NLRC3: variants seen among roughly 807,000 people sequenced by gnomAD.
The protein encoded by NLRC3 is NLR family CARD domain-containing protein 3.
NLRC3 carries 87 observed loss-of-function variants against 91.6 expected under a neutral mutation model. The observed-to-expected ratio is 0.95, with a 90% CI of 0.80 to 1.14. The LOEUF is 1.14. Among genes scored for constraint, NLRC3 ranks in the 50% most tolerant of loss-of-function variants. NLRC3 has a pLI of 0.00. For synonymous variants in NLRC3, 694 were observed against 625.3 expected, an observed-to-expected ratio of 1.11 and a Z score of -1.64; for missense variants, 1,577 against 1,418.6, an observed-to-expected ratio of 1.11 and a Z score of -1.79.
At chr16:3,546,086 G>T (rs1400198192) in intron 15 of NLRC3, among the ~76,000 whole-genome samples, 2 of 152,084 alleles carry the variant, frequency 1.3e-5, no homozygotes, top group Non-Finnish European at 2.9e-5. Context: ...CGACCCAACA[G>T]GACTTGACAA....
chr16:3,575,973 C>T (rs2040274944), intron 1 of NLRC3, among the ~76,000 whole-genome samples: 1 of 152,142 alleles, frequency 6.6e-6, no homozygotes, highest in African/African-American at 2.4e-5. Flanking sequence ...CACTTGAGCT[C>T]AAAAGCCTTC....
intron 1 of NLRC3, among the ~76,000 whole-genome samples, chr16:3,572,741 G>A (rs193020774): frequency 6.8e-4 from 103 of 152,204 alleles, no homozygotes; most frequent in Admixed American, 1.9e-3. Flanking sequence ...GGCCAGGCGC[G>A]GTGACTCACA....
Position 3,542,757 on chromosome 16 carries a change from A to G in NLRC3, c.2958T>C (p.Ile986=). Residue 986 remains isoleucine, a synonymous_variant, in exon 18 of 20, where the codon ATT becomes ATC. Coordinates refer to ENST00000359128, the MANE Select transcript of NLRC3 (RefSeq NM_178844.4). ...LEILDLRGNA[I]GVAGAKALAN... is the part of the protein sequence containing the mutation. The stretch of plus-strand genomic sequence containing the variant: ...CCAGGGCTTTGGCTCCAGCCACCCC[A>G]ATGGCATTTCCTCTTAAGCTGTTGG... 2.5e-6 allele frequency: 4 copies of G among 1,608,028 alleles called. No individual in the cohort carries two copies. Among genetic ancestry groups the G allele is most frequent in the Non-Finnish European group, 3.4e-6 (4 of 1,177,150 alleles).
Position 3,563,225 on chromosome 16 carries a change from A to G in NLRC3, c.1712T>C (p.Leu571Pro), listed in dbSNP as rs777743389. 6.2e-7 allele frequency: 1 copy of G among 1,603,714 alleles called. No homozygotes were observed. Among genetic ancestry groups the G allele is most frequent in the Non-Finnish European group, 8.5e-7 (1 of 1,177,368 alleles). The part of the protein sequence containing the change: ...CARAINVLHC[L>P]HELQHTELAR... ...CAGCTCGGTGTGCTGCAGCTCATGCAGGCAGTGCAACACGTTGATGGCCCG... is the reference window on the plus strand; with the variant it reads ...CAGCTCGGTGTGCTGCAGCTCATGCGGGCAGTGCAACACGTTGATGGCCCG... The change falls in exon 5 of 20, where the codon CTG becomes CCG. Residue 571 changes from leucine to proline, a missense_variant. Transcript: ENST00000359128.
At chr16:3,548,513 G>C (rs2038816802) in intron 14 of NLRC3, among the ~76,000 whole-genome samples, 157 bp downstream of exon 14, 1 of 152,220 alleles carries the variant, frequency 6.6e-6, no homozygotes, top group South Asian at 2.1e-4. Flanking sequence ...GCACAGGATG[G>C]GGCACAGTCT....
chr16:3,561,886 G>A (rs2039631555), intron 5 of NLRC3, 98 bp from the exon 6 acceptor site: 15 of 804,858 alleles, frequency 1.9e-5, no homozygotes, highest in East Asian at 2.5e-5. Flanking sequence ...CCCATGCAGC[G>A]CTATCACCGC....
At position 3,564,871 on chromosome 16, in the gene NLRC3, GC is replaced by G; in HGVS notation, c.165del (p.Cys57AlafsTer15). ...AAGCCGGTCCTACCATTGCTGCAGG[GC>G]CCCAGCGGGGCATCCGGTGTCCTAT... ...ALDRTPDAPL[G>X]PCSNDSRIQR... is the part of the protein sequence containing the mutation. On this transcript the variant is annotated frameshift_variant, in exon 4 of 20. Transcript: ENST00000359128. LOFTEE classifies it high-confidence loss of function. This position sits in a 1 kb window ranked among gnomAD's most constrained non-coding sequence, Gnocchi z 5.9. 6.2e-7 allele frequency: 1 copy of G among 1,606,372 alleles called. No individual in the cohort carries two copies.
intron 9 of NLRC3, 50 bp downstream of exon 9, chr16:3,554,192 G>T: frequency 7.2e-7 from 1 of 1,385,354 alleles, no homozygotes; most frequent in Non-Finnish European, 1.0e-6. Flanking sequence ...GGCCCTTGGA[G>T]GAGGAGGGAG....
intron 3 of NLRC3, 50 bp downstream of exon 3, chr16:3,565,269 A>C: frequency 1.4e-6 from 1 of 689,964 alleles, no homozygotes; most frequent in Non-Finnish European, 2.6e-6. Context: ...GCAGGGGCCC[A>C]GTGGATGATA....
chr16:3,575,601 T>C (rs2040259339), intron 1 of NLRC3, among the ~76,000 whole-genome samples: 1 of 152,162 alleles, frequency 6.6e-6, no homozygotes. Context: ...CCCTAGAGCT[T>C]TGTCTGTGAG....
rs769455988 is a variant in NLRC3 at position 3,564,647 on chromosome 16, G to A, written c.290C>T (p.Thr97Met). The A allele has an allele frequency of 9.3e-6, 15 of 1,606,556 alleles. No individual in the cohort carries two copies. The highest frequency in any genetic ancestry group is 6.6e-5 in the South Asian group (6 of 91,056). Residue 97 changes from threonine (T) to methionine (M), a missense_variant, in exon 5 of 20, where the codon ACG becomes ATG. By Grantham distance (81) the Thr-to-Met change is moderately conservative. Coordinates refer to ENST00000359128, the MANE Select transcript of NLRC3 (RefSeq NM_178844.4). The surrounding 1 kb of genome is among the most constrained non-coding windows in gnomAD (Gnocchi z 5.9). The part of the protein sequence containing the change: ...LASLLLVEGL[T>M]DLQLREHDFT... ...GTCGTGTTCCCTCAGCTGCAGGTCC[G>A]TCAGGCCCTCCACCAGCAGGAGGGA... is the stretch of plus-strand genomic sequence containing the variant.
rs2039357967 is a variant in NLRC3, at chr16:3,556,795, G to C, written c.2183+116C>G. Reference sequence around the variant, plus strand: ...TGGGATTACAGATGTGAGCCACTGTGCCCGGCCCCATGCCTGCCATTGTGA... The same window carrying C: ...TGGGATTACAGATGTGAGCCACTGTCCCCGGCCCCATGCCTGCCATTGTGA... On this transcript the variant is annotated intron_variant, in intron 8 of 19. Coordinates refer to ENST00000359128, the MANE Select transcript of NLRC3 (RefSeq NM_178844.4). 7.0e-6 allele frequency: 5 copies of C among 717,784 alleles called. No homozygotes were observed. In the South Asian group the frequency reaches 8.4e-5, roughly 12 times the overall value. The allele number at this position is 717,784 out of a possible 1,614,324, so 44.5% of individuals were successfully genotyped here. A position where few individuals can be genotyped will look rare whatever the true frequency, so the allele number is the denominator to read the frequency against.
Position 3,563,643 on chromosome 16 carries a change from C to G in NLRC3, c.1294G>C (p.Gly432Arg), listed in dbSNP as rs183412509. The G allele has an allele frequency of 6.2e-7, 1 of 1,610,776 alleles. No homozygotes were observed. Among genetic ancestry groups the G allele is most frequent in the Non-Finnish European group, 8.5e-7 (1 of 1,178,828 alleles). The change falls in exon 5 of 20, where the codon GGC (glycine) becomes CGC (arginine). Residue 432 changes from glycine to arginine, a missense_variant. By Grantham distance (125) the Gly-to-Arg change is moderately radical. Coordinates refer to ENST00000359128, the MANE Select transcript of NLRC3 (RefSeq NM_178844.4). The part of the protein sequence containing the change: ...AFGVDLALLQ[G>R]APCSCFLQRE... ...TGCAGGAAGCAGCTGCACGGGGCGC[C>G]CTGCAGCAGAGCGAGGTCTACACCA... is the stretch of plus-strand genomic sequence containing the variant.
chr16:3,539,951 G>A lies in NLRC3; in HGVS notation c.*1874C>T, dbSNP rs541752506. On this transcript the variant is annotated 3_prime_UTR_variant, in exon 20 of 20. Coordinates refer to ENST00000359128, the MANE Select transcript of NLRC3 (RefSeq NM_178844.4). The stretch of plus-strand genomic sequence containing the variant: ...AGGCCATTTATTCTGCAGAATATCT[G>A]TCAATTTGGATTTTTTCTAATTGTT... 6.6e-6 allele frequency: 1 copy of A among 152,174 alleles called. No homozygotes were observed. Among genetic ancestry groups the A allele is most frequent in the Non-Finnish European group, 1.5e-5 (1 of 68,026 alleles). The allele number at this position is 152,174 out of a possible 1,614,324, so 9.4% of individuals were successfully genotyped here.
At chr16:3,574,653 A>G (rs1023263931) in intron 1 of NLRC3, among the ~76,000 whole-genome samples, 2 of 152,182 alleles carry the variant, frequency 1.3e-5, no homozygotes, top group African/African-American at 4.8e-5. Context: ...GGGTTGCCAG[A>G]TTCAGCAAAT....
intron 1 of NLRC3, among the ~76,000 whole-genome samples, chr16:3,568,446 A>G (rs2039968186): frequency 6.6e-6 from 1 of 152,212 alleles, no homozygotes; most frequent in Admixed American, 6.5e-5. Flanking sequence ...ATTTTGGGCT[A>G]GGCACAGTGG....
At chr16:3,574,287 G>A (rs191018182) in intron 1 of NLRC3, among the ~76,000 whole-genome samples, 1 of 152,144 alleles carries the variant, frequency 6.6e-6, no homozygotes, top group Admixed American at 6.5e-5. Context: ...CACTGCGCCC[G>A]GCCTTGTGGA....
At chr16:3,568,788 T>G (rs1209855092) in intron 1 of NLRC3, among the ~76,000 whole-genome samples, 4 of 152,196 alleles carry the variant, frequency 2.6e-5, no homozygotes, top group Non-Finnish European at 5.9e-5. Context: ...TCCATGTGGG[T>G]AATTTGAGGT....
At chr16:3,543,001 TTCC>T (rs1329256746) in intron 17 of NLRC3, 5 of 553,182 alleles carry the variant, frequency 9.0e-6, no homozygotes, top group Admixed American at 3.3e-5. Context: ...TGTTGGAGCC[TTCC>T]TCCTCTTCCA....
Sources: gnomAD v4.1 joint callset for allele counts (sites outside exome capture counted in the v4.1 genomes callset) on GRCh38, gnomAD v4.1.1 for gene constraint, Gnocchi (gnomAD v3.1) non-coding constraint, MANE v1.5 for transcripts, NCBI Gene and HGNC (gene_info 2026-07-23, HGNC 2026-07-21) for gene names.